Variants in XKR9 observed in about 807,000 individuals in gnomAD.
XKR9 encodes the protein XK-related protein 9.
A neutral mutation model predicts 32.0 loss-of-function variants in XKR9; 32 were observed. The ratio of observed to expected loss-of-function variants is 1.00; its 90% CI spans 0.76 to 1.34. The LOEUF (loss-of-function observed/expected upper bound fraction) is 1.34, where lower values mean the gene tolerates loss of function less well. Ranked by LOEUF, XKR9 falls within the 40% of genes most tolerant of loss-of-function variation. The pLI, the probability that XKR9 is intolerant of heterozygous loss-of-function variation, is 0.00. For missense variants in XKR9, 546 were observed against 429.7 expected, an observed-to-expected ratio of 1.27 and a Z score of -2.39; for synonymous variants, 168 against 143.4, an observed-to-expected ratio of 1.17 and a Z score of -1.22.
intron 2 of XKR9, among the ~76,000 whole-genome samples, chr8:70,766,845 T>C (rs914675099): frequency 6.6e-6 from 1 of 152,182 alleles, no homozygotes; most frequent in Non-Finnish European, 1.5e-5. Flanking sequence ...TCTACATCAA[T>C]TGAGATAATC....
the XKR9 span, among the ~76,000 whole-genome samples, chr8:70,968,263 C>T: frequency 5.3e-5 from 8 of 152,248 alleles, no homozygotes; most frequent in East Asian, 1.4e-3. Context: ...GTGAACCTCT[C>T]GTGTTGTGTT....
At chr8:70,816,182 A>G in the XKR9 span, among the ~76,000 whole-genome samples, 1 of 152,216 alleles carries the variant, frequency 6.6e-6, no homozygotes, top group Non-Finnish European at 1.5e-5. Flanking sequence ...GAACGCAGAA[A>G]TAAAGCCACA....
the XKR9 span, among the ~76,000 whole-genome samples, chr8:70,989,955 G>A: frequency 1.6e-4 from 25 of 152,142 alleles, no homozygotes; most frequent in Admixed American, 5.9e-4. Context: ...TTTGTGTCTC[G>A]CTAATTTCAT....
At chr8:70,836,623 T>C in the XKR9 span, among the ~76,000 whole-genome samples, 1 of 152,106 alleles carries the variant, frequency 6.6e-6, no homozygotes, top group East Asian at 1.9e-4. Flanking sequence ...TTGGGGTTTT[T>C]TTTTGCTTAG....
chr8:70,814,267 G>A, the XKR9 span, among the ~76,000 whole-genome samples: 1 of 151,946 alleles, frequency 6.6e-6, no homozygotes, highest in African/African-American at 2.4e-5. Context: ...ACAGGAAGGG[G>A]AACATCACAC....
chr8:70,991,761 C>A, the XKR9 span, among the ~76,000 whole-genome samples: 1 of 152,170 alleles, frequency 6.6e-6, no homozygotes, highest in Non-Finnish European at 1.5e-5. Context: ...CCCTGCTATA[C>A]AGTTAATTTA....
At chr8:70,923,529 C>A in the XKR9 span, among the ~76,000 whole-genome samples, 1 of 152,198 alleles carries the variant, frequency 6.6e-6, no homozygotes, top group Non-Finnish European at 1.5e-5. Flanking sequence ...TTGCATGGGC[C>A]CTTCCCAGGT....
intron 3 of XKR9, among the ~76,000 whole-genome samples, chr8:70,692,346 A>G (rs1805104040): frequency 6.6e-6 from 1 of 152,050 alleles, no homozygotes. Flanking sequence ...TAGATATAGA[A>G]TCATGTCATC....
chr8:70,740,479 T>C (rs2130160216), downstream of XKR9, among the ~76,000 whole-genome samples: 1 of 152,348 alleles, frequency 6.6e-6, no homozygotes, highest in African/African-American at 2.4e-5. Flanking sequence ...GTCAAAGTCA[T>C]TCTCTGTCCA....
intron 4 of XKR9, among the ~76,000 whole-genome samples, chr8:70,715,635 G>T (rs1398327770): frequency 2.0e-5 from 3 of 151,976 alleles, no homozygotes; most frequent in Non-Finnish European, 4.4e-5. Flanking sequence ...GATTGAAAAA[G>T]TGAATAAAAA....
the XKR9 span, among the ~76,000 whole-genome samples, chr8:70,935,765 A>G: frequency 2.0e-5 from 3 of 152,064 alleles, no homozygotes; most frequent in Admixed American, 6.6e-5. Flanking sequence ...ATTCAAAACT[A>G]CTTCTGCAAG....
chr8:70,951,767 A>G, the XKR9 span, among the ~76,000 whole-genome samples: 1 of 152,018 alleles, frequency 6.6e-6, no homozygotes, highest in South Asian at 2.1e-4. Flanking sequence ...GGTTAAATGG[A>G]CCTACAGTTA....
the XKR9 span, among the ~76,000 whole-genome samples, chr8:70,907,577 TG>T: frequency 3.6e-4 from 55 of 152,286 alleles, no homozygotes; most frequent in African/African-American, 1.3e-3. Flanking sequence ...ATAACAGATT[TG>T]GGGGAGAGGG....
chr8:70,693,067 G>T (rs1433282058), intron 3 of XKR9, among the ~76,000 whole-genome samples: 1 of 152,154 alleles, frequency 6.6e-6, no homozygotes, highest in Non-Finnish European at 1.5e-5. Flanking sequence ...AATCAACCTT[G>T]CATCCCGGGG....
rs746304635 is a variant in XKR9 at position 70,732,660 on chromosome 8, G to GT, written c.494-1128dup. Among the ~76,000 whole-genome samples the GT allele has an allele frequency of 3.3e-4, 50 of 152,242 alleles. No individual in the cohort carries two copies. The East Asian group carries it at 6.0e-3, about 18-fold the overall frequency. ...AGAGCCTTCTGTGCAGGAGACTGGA[G>GT]TTTTTTTTATTACTGAAATCAGTCT... On this transcript the variant is annotated intron_variant, in intron 4 of 4. Coordinates refer to ENST00000408926, the MANE Select transcript of XKR9 (RefSeq NM_001011720.2).
At chr8:70,745,144 T>G (rs1485659042) in intron 2 of XKR9, among the ~76,000 whole-genome samples, 1 of 133,392 alleles carries the variant, frequency 7.5e-6, no homozygotes, top group Non-Finnish European at 1.7e-5. Context: ...AACATTTTCT[T>G]ATTGGTTTTA....
At chr8:70,867,958 G>T in the XKR9 span, among the ~76,000 whole-genome samples, 1 of 152,194 alleles carries the variant, frequency 6.6e-6, no homozygotes, top group African/African-American at 2.4e-5. Context: ...GGGGCCACAA[G>T]CCCCATGCAA....
chr8:70,985,379 A>C, the XKR9 span, among the ~76,000 whole-genome samples: 11 of 152,156 alleles, frequency 7.2e-5, no homozygotes, highest in African/African-American at 2.7e-4. Context: ...CATGGTGTAT[A>C]TGTGCCACAT....
the XKR9 span, among the ~76,000 whole-genome samples, chr8:70,951,703 G>T: frequency 6.6e-6 from 1 of 152,158 alleles, no homozygotes; most frequent in East Asian, 1.9e-4. Flanking sequence ...TACTTAAAAG[G>T]CCACCCCAAA....
Sources: gnomAD v4.1 joint callset for allele counts (sites outside exome capture counted in the v4.1 genomes callset) on GRCh38, gnomAD v4.1.1 for gene constraint, MANE v1.5 for transcripts, NCBI Gene and HGNC (gene_info 2026-07-23, HGNC 2026-07-21) for gene names.